Variants in NFATC2IP observed in about 807,000 individuals in gnomAD.
NFATC2IP encodes nuclear factor of activated T cells 2 interacting protein.
NFATC2IP carries 25 observed loss-of-function variants against 40.2 expected under a neutral mutation model. The ratio of observed to expected loss-of-function variants is 0.62; its 90% CI spans 0.45 to 0.87. The LOEUF is 0.87. Ranked by LOEUF, NFATC2IP falls within the 40% of genes least tolerant of loss-of-function variation. The pLI is 0.00. For missense variants in NFATC2IP, 553 were observed against 555.6 expected (o/e 1.00, Z 0.05); for synonymous variants, 241 against 236.3 (o/e 1.02, Z -0.18).
chr16:28,954,633 A>G lies in NFATC2IP; in HGVS notation c.529A>G (p.Thr177Ala). ...GSPSPGSPWK[T>A]KLRTKDKEEK... Reference sequence around the variant, plus strand: ...CCCATCACCAGGCTCTCCCTGGAAGACAAAGCTGAGGACTAAGGATAAAGA... The same window carrying G: ...CCCATCACCAGGCTCTCCCTGGAAGGCAAAGCTGAGGACTAAGGATAAAGA... The change falls in exon 3 of 8, where the codon ACA (threonine) becomes GCA (alanine). Residue 177 changes from threonine to alanine, a missense_variant. By Grantham distance (58) the Thr-to-Ala change is moderately conservative. Transcript: ENST00000320805. The G allele has an allele frequency of 1.2e-6, 2 of 1,614,052 alleles. No homozygotes were observed. The highest frequency in any genetic ancestry group is 3.3e-4 in the Middle Eastern group (2 of 6,062).
chr16:28,958,716 G>T lies in NFATC2IP; in HGVS notation c.847-1G>T, dbSNP rs763909471. 1.2e-6 allele frequency: 2 copies of T among 1,608,496 alleles called. No individual in the cohort carries two copies. The highest frequency in any genetic ancestry group is 1.1e-5 in the South Asian group (1 of 90,288). ...CTTTTGCTTGTTGTCCCCATCCCTA[G>T]TCGGAGCCCCTGCAGAGTGTGGTGG... On this transcript the variant is annotated splice_acceptor_variant, in intron 5 of 7. Coordinates refer to ENST00000320805, the MANE Select transcript of NFATC2IP (RefSeq NM_032815.4). LOFTEE classifies it high-confidence loss of function.
intron 7 of NFATC2IP, among the ~76,000 whole-genome samples, chr16:28,960,799 G>T (rs1965076831): frequency 6.6e-6 from 1 of 152,100 alleles, no homozygotes; most frequent in African/African-American, 2.4e-5. Context: ...TTTTATTCCA[G>T]TTACCAATAA....
chr16:28,961,615 A>T (rs966944220), intron 7 of NFATC2IP, among the ~76,000 whole-genome samples: 2 of 151,898 alleles, frequency 1.3e-5, no homozygotes, highest in African/African-American at 4.8e-5. Flanking sequence ...CAAAAAAGAG[A>T]CAGGGCCAGA....
intron 3 of NFATC2IP, among the ~76,000 whole-genome samples, chr16:28,955,445 C>T (rs1357265213): frequency 6.6e-6 from 1 of 152,096 alleles, no homozygotes; most frequent in Non-Finnish European, 1.5e-5. Flanking sequence ...GGACATTTTC[C>T]TGGGAAGTGA....
At chr16:28,960,310 C>G (rs1358985467) in intron 7 of NFATC2IP, among the ~76,000 whole-genome samples, 1 of 152,170 alleles carries the variant, frequency 6.6e-6, no homozygotes, top group Non-Finnish European at 1.5e-5. Context: ...TACAGTTCAA[C>G]CCTTAACACA....
At chr16:28,959,737 T>C (rs969394806) in intron 7 of NFATC2IP, among the ~76,000 whole-genome samples, 3 of 151,976 alleles carry the variant, frequency 2.0e-5, no homozygotes, top group African/African-American at 7.2e-5. Context: ...TGGGCTAATT[T>C]TTGCATTTTT....
chr16:28,951,200 C>A lies in NFATC2IP; in HGVS notation c.189C>A (p.Thr63=). The change falls in exon 1 of 8, where the codon ACC becomes ACA. Residue 63 remains threonine (T), a synonymous_variant. Transcript: ENST00000320805. ...DSDEEILEVA[T]ARGAADEVEV... ...ATGAGGAAATTCTGGAGGTCGCCAC[C>A]GCTCGCGGTGCCGCGGACGAGGTTG... 1 of 1,538,058 alleles carries A rather than the reference C, an allele frequency of 6.5e-7. No homozygotes were observed. The highest frequency in any genetic ancestry group is 8.8e-7 in the Non-Finnish European group (1 of 1,140,156).
intron 5 of NFATC2IP, among the ~76,000 whole-genome samples, chr16:28,957,322 C>T (rs957169176): frequency 1.3e-5 from 2 of 151,540 alleles, no homozygotes; most frequent in Non-Finnish European, 2.9e-5. Flanking sequence ...CATGAGCCAC[C>T]GTGCCTGGCC....
At chr16:28,959,317 C>T (rs1965057361) in intron 7 of NFATC2IP, among the ~76,000 whole-genome samples, 1 of 152,146 alleles carries the variant, frequency 6.6e-6, no homozygotes, top group South Asian at 2.1e-4. Flanking sequence ...AGTCTGGGTG[C>T]TCCCTCGGTC....
At chr16:28,951,565 A>G (rs1964967915) in intron 1 of NFATC2IP, among the ~76,000 whole-genome samples, 167 bp downstream of exon 1, 1 of 151,820 alleles carries the variant, frequency 6.6e-6, no homozygotes. Flanking sequence ...GGGCTCCGGG[A>G]CTTTCTGCAG....
intron 2 of NFATC2IP, among the ~76,000 whole-genome samples, chr16:28,953,402 C>T (rs988011328): frequency 3.3e-5 from 5 of 152,174 alleles, no homozygotes; most frequent in African/African-American, 7.2e-5. Context: ...CTCAGTGCTT[C>T]AATTTCCTCA....
intron 5 of NFATC2IP, 117 bp from the exon 6 acceptor site, chr16:28,958,600 C>A: frequency 1.2e-6 from 1 of 859,304 alleles, no homozygotes; most frequent in Non-Finnish European, 1.9e-6. Context: ...TATGATGAAA[C>A]TCACAGCTGA....
chr16:28,964,692 G>A lies in NFATC2IP; in HGVS notation c.*829G>A, dbSNP rs141475470. Reference sequence around the variant, plus strand: ...AATACCACGTTTCATGTGTGAATATGTGCTTTTACTGTACATAGTGCTATT... The same window carrying A: ...AATACCACGTTTCATGTGTGAATATATGCTTTTACTGTACATAGTGCTATT... On this transcript the variant is annotated 3_prime_UTR_variant, in exon 8 of 8. Coordinates refer to ENST00000320805, the MANE Select transcript of NFATC2IP (RefSeq NM_032815.4). 1 of 152,402 alleles carries A rather than the reference G, an allele frequency of 6.6e-6. No homozygotes were observed. Among genetic ancestry groups the A allele is most frequent in the East Asian group, 1.9e-4 (1 of 5,308 alleles). 9.4% of individuals were successfully genotyped at this position (152,402 alleles called of 1,614,324 possible).
chr16:28,956,708 C>T (rs74014816), intron 5 of NFATC2IP: 2,647 of 201,920 alleles, frequency 0.013, 86 homozygotes, highest in African/African-American at 0.058. Flanking sequence ...TGTGAAGCAT[C>T]CTGTCTTCTA....
rs935458058 is a variant in NFATC2IP at position 28,964,264 on chromosome 16, C to G, written c.*401C>G. On this transcript the variant is annotated 3_prime_UTR_variant, in exon 8 of 8. Coordinates refer to ENST00000320805, the MANE Select transcript of NFATC2IP (RefSeq NM_032815.4). ...GAGCTTCCAGGCCTGGGATTTACAC[C>G]ACGCCTAGCCCAGCAGAGGCCTTAG... The G allele has an allele frequency of 5.3e-6, 1 of 188,648 alleles. No homozygotes were observed. The highest frequency in any genetic ancestry group is 2.3e-5 in the African/African-American group (1 of 43,242). The allele number at this position is 188,648 out of a possible 1,614,324, so 11.7% of individuals were successfully genotyped here.
At chr16:28,953,366 C>G (rs896086203) in intron 2 of NFATC2IP, among the ~76,000 whole-genome samples, 1 of 152,196 alleles carries the variant, frequency 6.6e-6, no homozygotes, top group African/African-American at 2.4e-5. Context: ...AGCCACCACG[C>G]CCAGCCTGGG....
chr16:28,960,427 G>A (rs1490186801), intron 7 of NFATC2IP, among the ~76,000 whole-genome samples: 1 of 151,866 alleles, frequency 6.6e-6, no homozygotes, highest in East Asian at 1.9e-4. Context: ...CAACTCTTAA[G>A]CCCAAAATCT....
Sources: gnomAD v4.1 joint callset for allele counts (sites outside exome capture counted in the v4.1 genomes callset) on GRCh38, gnomAD v4.1.1 for gene constraint, MANE v1.5 for transcripts, NCBI Gene and HGNC (gene_info 2026-07-23, HGNC 2026-07-21) for gene names.